The following KLK2 variants were observed in gnomAD, a reference collection of about 807,000 sequenced individuals.
The protein encoded by KLK2 is kallikrein related peptidase 2.
KLK2 carries 17 observed loss-of-function variants against 23.0 expected under a neutral mutation model. The observed-to-expected ratio is 0.74, with a 90% CI of 0.51 to 1.11. The LOEUF is 1.11. KLK2 is among the 50% of genes least tolerant of loss of function. KLK2 has a pLI of 0.00. For synonymous variants in KLK2, 140 were observed against 124.7 expected, an observed-to-expected ratio of 1.12 and a Z score of -0.82; for missense variants, 330 against 325.9, an observed-to-expected ratio of 1.01 and a Z score of -0.10.
chr19:50,878,378 C>T, intron 4 of KLK2, 26 bp from the exon 5 acceptor site: 1 of 1,593,664 alleles, frequency 6.3e-7, no homozygotes, highest in Admixed American at 1.7e-5. Flanking sequence ...ATCTTTCTCA[C>T]TGTGTCTCTC....
In KLK2 at chr19:50,878,699, G is replaced by A. The variant is rs113358789; in HGVS notation, c.*140G>A. On this transcript the variant is annotated 3_prime_UTR_variant, in exon 5 of 5. Transcript: ENST00000325321. The stretch of plus-strand genomic sequence containing the variant: ...CGAGCCTCCTGAGTCCTACTGACCT[G>A]TGCTTTCTGGTGTGGAGTCCAGGGC... The A allele has an allele frequency of 2.7e-3, 1,966 of 741,770 alleles. 11 individuals carry two copies. Among genetic ancestry groups the A allele is most frequent in the Non-Finnish European group, 2.5e-3 (1,123 of 443,786 alleles). The allele number at this position is 741,770 out of a possible 1,614,324, so 45.9% of individuals were successfully genotyped here.
Position 50,878,546 on chromosome 19 carries a change from C to A in KLK2, c.773C>A (p.Ala258Glu), listed in dbSNP as rs946944071. The A allele has an allele frequency of 6.2e-7, 1 of 1,613,314 alleles. No homozygotes were observed. Among genetic ancestry groups the A allele is most frequent in the Non-Finnish European group, 8.5e-7 (1 of 1,179,476 alleles). Residue 258 changes from alanine to glutamate, a missense_variant, in exon 5 of 5, where the codon GCA becomes GAA. By Grantham distance (107) the Ala-to-Glu change is moderately radical. Transcript: ENST00000325321. ...CGGAAGTGGATCAAGGACACCATCGCAGCCAACCCCTGAGTGCCCCTGTCC... is the reference window on the plus strand; with the variant it reads ...CGGAAGTGGATCAAGGACACCATCGAAGCCAACCCCTGAGTGCCCCTGTCC... ...HYRKWIKDTI[A>E]ANP is the part of the protein sequence containing the mutation.
chr19:50,876,422 A>C (rs2090287551), intron 2 of KLK2, 50 bp from the exon 3 acceptor site: 2 of 1,559,248 alleles, frequency 1.3e-6, no homozygotes, highest in African/African-American at 2.8e-5. Flanking sequence ...TGCCCCATCT[A>C]CCTTTCCCCA....
rs201420191 is a variant in KLK2 at position 50,876,645 on chromosome 19, C to T, written c.380C>T (p.Ser127Leu). The T allele has an allele frequency of 7.1e-5, 115 of 1,614,084 alleles. No homozygotes were observed. The highest frequency in any genetic ancestry group is 9.1e-5 in the Non-Finnish European group (107 of 1,180,048). Residue 127 changes from serine (S) to leucine (L), a missense_variant, in exon 3 of 5, where the codon TCA becomes TTA. Ser to Leu is a moderately radical substitution (Grantham distance 145). Coordinates refer to ENST00000325321, the MANE Select transcript of KLK2 (RefSeq NM_005551.5). ...SSHDLMLLRL[S>L]EPAKITDVVK... is the part of the protein sequence containing the mutation. ...CATGACCTCATGCTGCTCCGCCTGTCAGAGCCTGCCAAGATCACAGATGTT... is the reference window on the plus strand; with the variant it reads ...CATGACCTCATGCTGCTCCGCCTGTTAGAGCCTGCCAAGATCACAGATGTT...
intron 2 of KLK2, chr19:50,875,181 C>T (rs1380459051): frequency 3.9e-6 from 1 of 256,926 alleles, no homozygotes; most frequent in Non-Finnish European, 7.3e-6. Context: ...GTCTGTGTCT[C>T]CCCCGTCTCT....
rs199691007 is a variant in KLK2 at position 50,877,034 on chromosome 19, T to C, written c.630+26T>C. On this transcript the variant is annotated intron_variant, in intron 4 of 4. Transcript: ENST00000325321. The stretch of plus-strand genomic sequence containing the variant: ...GTGAGTCATCCCTACTCCCAACATC[T>C]GGAGGGGAAAGGTGAGTGAAGACCC... 8.7e-5 allele frequency: 140 copies of C among 1,613,992 alleles called. No individual in the cohort carries two copies. In the East Asian group the frequency reaches 2.9e-3, roughly 33 times the overall value.
chr19:50,879,428 T>G lies in KLK2; in HGVS notation c.*869T>G, dbSNP rs2090320905. The G allele has an allele frequency of 4.3e-6, 1 of 232,352 alleles. No individual in the cohort carries two copies. The highest frequency in any genetic ancestry group is 1.8e-4 in the South Asian group (1 of 5,528). 14.4% of individuals were successfully genotyped at this position (232,352 alleles called of 1,614,324 possible). A position where few individuals can be genotyped will look rare whatever the true frequency, so the allele number is the denominator to read the frequency against. On this transcript the variant is annotated 3_prime_UTR_variant, in exon 5 of 5. Coordinates refer to ENST00000325321, the MANE Select transcript of KLK2 (RefSeq NM_005551.5). The stretch of plus-strand genomic sequence containing the variant: ...CCTTGTGGAGTGTAGCTGATCCAGC[T>G]GATAGAGGAACTAGCCAGGTGGGGG...
At chr19:50,875,921 A>C in intron 2 of KLK2, 1 of 162,914 alleles carries the variant, frequency 6.1e-6, no homozygotes. Context: ...CAGAGCCCTC[A>C]CTCCAGCCCC....
At chr19:50,876,827 A>G in intron 3 of KLK2, 45 bp from the exon 4 acceptor site, 1 of 1,610,488 alleles carries the variant, frequency 6.2e-7, no homozygotes. Flanking sequence ...GGGCCAAAGA[A>G]CCAGGTGGGG....
In KLK2 at chr19:50,876,728, T is replaced by G; in HGVS notation, c.463T>G (p.Ser155Ala). Residue 155 changes from serine (S) to alanine (A), a missense_variant, in exon 3 of 5, where the codon TCA (serine) becomes GCA (alanine). Coordinates refer to ENST00000325321, the MANE Select transcript of KLK2 (RefSeq NM_005551.5). The stretch of plus-strand genomic sequence containing the variant: ...AGCACTGGGGACCACCTGCTACGCC[T>G]CAGGCTGGGGCAGCATCGAACCAGA... ...EPALGTTCYASGWGSIEPEEF... is the reference protein window; with the variant it reads ...EPALGTTCYAAGWGSIEPEEF... The G allele has an allele frequency of 6.2e-7, 1 of 1,614,126 alleles. No homozygotes were observed. Among genetic ancestry groups the G allele is most frequent in the Non-Finnish European group, 8.5e-7 (1 of 1,180,030 alleles).
chr19:50,874,678 T>C, intron 1 of KLK2, 43 bp from the exon 2 acceptor site: 1 of 1,568,854 alleles, frequency 6.4e-7, no homozygotes, highest in Non-Finnish European at 8.7e-7. Context: ...CCCTATCCAA[T>C]TCTTTTGGGT....
Position 50,874,702 on chromosome 19 carries a change from C to T in KLK2, c.47-19C>T. On this transcript the variant is annotated intron_variant, in intron 1 of 4. Transcript: ENST00000325321. ...ATTCTTTTGGGTCTGATCCCCCTGA[C>T]CCAGCACCCCCTCCGCAGGTGCCGT... 6.3e-7 allele frequency: 1 copy of T among 1,599,430 alleles called. No individual in the cohort carries two copies.
intron 1 of KLK2, chr19:50,874,316 A>G (rs1232014351): frequency 6.1e-6 from 1 of 164,712 alleles, no homozygotes; most frequent in Non-Finnish European, 1.3e-5. Flanking sequence ...CCAGCAACTA[A>G]ACCTCTCCAC....
rs546471553 is a variant in KLK2, at chr19:50,874,632, C to T, written c.47-89C>T. 5.4e-6 allele frequency: 6 copies of T among 1,102,222 alleles called. No individual in the cohort carries two copies. In the African/African-American group the frequency reaches 9.4e-5, roughly 17 times the overall value. 68.3% of individuals were successfully genotyped at this position (1,102,222 alleles called of 1,614,324 possible). A position where few individuals can be genotyped will look rare whatever the true frequency, so the allele number is the denominator to read the frequency against. On this transcript the variant is annotated intron_variant, in intron 1 of 4. Transcript: ENST00000325321. ...TGGACTCCCAGTCCTGGTCCTCTGC[C>T]CCCATGTCTCTTCAAACCCACAGCT...
intron 1 of KLK2, chr19:50,873,911 CAG>C (rs1168915885): frequency 1.5e-5 from 3 of 198,328 alleles, no homozygotes; most frequent in Non-Finnish European, 3.1e-5. Flanking sequence ...TTTTCCTATT[CAG>C]CTGTGAGCAT....
At chr19:50,875,948 C>T in intron 2 of KLK2, 1 of 165,520 alleles carries the variant, frequency 6.0e-6, no homozygotes, top group Non-Finnish European at 1.3e-5. Context: ...AGGTGAGCCA[C>T]CCTCATGCCT....
At position 50,876,732 on chromosome 19, in the gene KLK2, G is replaced by C. The variant is rs1221619779; in HGVS notation, c.467G>C (p.Gly156Ala). The C allele has an allele frequency of 6.2e-7, 1 of 1,614,116 alleles. No individual in the cohort carries two copies. Among genetic ancestry groups the C allele is most frequent in the East Asian group, 2.2e-5 (1 of 44,882 alleles). The change falls in exon 3 of 5, where the codon GGC (glycine) becomes GCC (alanine). Residue 156 changes from glycine to alanine, a missense_variant. Gly to Ala is a moderately conservative substitution (Grantham distance 60). Coordinates refer to ENST00000325321, the MANE Select transcript of KLK2 (RefSeq NM_005551.5). ...CTGGGGACCACCTGCTACGCCTCAG[G>C]CTGGGGCAGCATCGAACCAGAGGAG... Reference protein sequence around the residue: ...PALGTTCYASGWGSIEPEEFL... With the variant: ...PALGTTCYASAWGSIEPEEFL...
chr19:50,873,878 C>T (rs1012653414), intron 1 of KLK2: 1 of 285,494 alleles, frequency 3.5e-6, no homozygotes, highest in Non-Finnish European at 6.6e-6. Flanking sequence ...CTGAGCCCCT[C>T]AGTCCTACCA....
At chr19:50,875,469 A>G (rs1506685) in intron 2 of KLK2, among the ~76,000 whole-genome samples, 46,040 of 152,026 alleles carry the variant, frequency 0.3, 7,156 homozygotes, top group Middle Eastern at 0.34. Flanking sequence ...TGGGTGCACA[A>G]TTGAGGAGGG....
Sources: gnomAD v4.1 joint callset for allele counts (sites outside exome capture counted in the v4.1 genomes callset) on GRCh38, gnomAD v4.1.1 for gene constraint, MANE v1.5 for transcripts, NCBI Gene and HGNC (gene_info 2026-07-23, HGNC 2026-07-21) for gene names.